Variants in GRIK2 observed in about 807,000 individuals in gnomAD.
GRIK2 encodes the protein glutamate receptor ionotropic, kainate 2.
A neutral mutation model predicts 100.3 loss-of-function variants in GRIK2; 32 were observed. The ratio of observed to expected loss-of-function variants is 0.32; its 90% CI spans 0.24 to 0.43. The LOEUF (loss-of-function observed/expected upper bound fraction) is 0.43. GRIK2 is among the 20% of genes least tolerant of loss of function. The pLI, the probability that GRIK2 is intolerant of heterozygous loss-of-function variation, is 1.00. For missense variants in GRIK2, 843 were observed against 1,114.9 expected, an observed-to-expected ratio of 0.76 and a Z score of 3.47; for synonymous variants, 417 against 389.4, an observed-to-expected ratio of 1.07 and a Z score of -0.83.
chr6:101,681,170 G>A (rs746203983), intron 5 of GRIK2, among the ~76,000 whole-genome samples: 1 of 152,032 alleles, frequency 6.6e-6, no homozygotes, highest in Non-Finnish European at 1.5e-5. Context: ...TATTTATGAG[G>A]TATATGGGAT....
At chr6:101,557,527 T>G (rs1314438080) in intron 2 of GRIK2, among the ~76,000 whole-genome samples, 1 of 152,220 alleles carries the variant, frequency 6.6e-6, no homozygotes, top group Non-Finnish European at 1.5e-5. Context: ...TGTTACAGTT[T>G]AATAAAGTGG....
At chr6:101,600,009 T>A (rs1779127005) in intron 2 of GRIK2, among the ~76,000 whole-genome samples, 1 of 151,882 alleles carries the variant, frequency 6.6e-6, no homozygotes, top group African/African-American at 2.4e-5. Flanking sequence ...TACCTAGGTT[T>A]TCTACTAGGA....
intron 2 of GRIK2, among the ~76,000 whole-genome samples, chr6:101,410,942 C>T (rs1055865881): frequency 6.6e-6 from 1 of 152,086 alleles, no homozygotes; most frequent in African/African-American, 2.4e-5. Context: ...AGACTAAGCA[C>T]AGTTTGAAAA....
intron 2 of GRIK2, among the ~76,000 whole-genome samples, chr6:101,608,407 A>G (rs9498641): frequency 0.34 from 52,303 of 151,750 alleles, 9,342 homozygotes; most frequent in African/African-American, 0.43. Flanking sequence ...ATAATTAAAA[A>G]TAGTTCTTCT....
chr6:101,564,421 A>G (rs570836253), intron 2 of GRIK2, among the ~76,000 whole-genome samples: 1 of 152,172 alleles, frequency 6.6e-6, no homozygotes, highest in Admixed American at 6.6e-5. Context: ...TGAAAATATA[A>G]GAAAGAATAA....
intron 15 of GRIK2, among the ~76,000 whole-genome samples, chr6:102,044,374 AG>A (rs1447112027): frequency 1.3e-5 from 2 of 152,006 alleles, no homozygotes; most frequent in East Asian, 3.9e-4. Flanking sequence ...TTCCTGTATT[AG>A]TCTGTTTTCA....
chr6:101,969,688 T>A (rs1017273548), intron 14 of GRIK2, among the ~76,000 whole-genome samples: 1 of 152,086 alleles, frequency 6.6e-6, no homozygotes, highest in African/African-American at 2.4e-5. Context: ...TAATATTTAA[T>A]CCATCACATT....
rs1228152664 is a variant in GRIK2, at chr6:101,626,636, T to C, written c.540T>C (p.Thr180=). The change falls in exon 4 of 17, where the codon ACT becomes ACC. Residue 180 remains threonine, a splice_region_variant and synonymous_variant. Transcript: ENST00000369134. ...KTVTVVYDDS[T]GLIRLQELIK... is the part of the protein sequence containing the mutation. ...TCACGGTTGTGTATGATGACAGCACTGGTAAGAAAAATCAGTATCTTTTGG... is the reference window on the plus strand; with the variant it reads ...TCACGGTTGTGTATGATGACAGCACCGGTAAGAAAAATCAGTATCTTTTGG... The C allele has an allele frequency of 1.9e-6, 3 of 1,612,662 alleles. No homozygotes were observed. Among genetic ancestry groups the C allele is most frequent in the Non-Finnish European group, 2.5e-6 (3 of 1,178,984 alleles).
At chr6:101,946,386 C>T (rs1791277684) in intron 14 of GRIK2, among the ~76,000 whole-genome samples, 1 of 151,662 alleles carries the variant, frequency 6.6e-6, no homozygotes, top group South Asian at 2.1e-4. Context: ...AAACATTAGC[C>T]AGGGTGTGGT....
intron 2 of GRIK2, among the ~76,000 whole-genome samples, chr6:101,473,024 T>C (rs1287199040): frequency 2.0e-5 from 3 of 151,718 alleles, no homozygotes; most frequent in Non-Finnish European, 3.0e-5. Flanking sequence ...TGATTTCTTA[T>C]GTTGTAAGAA....
chr6:101,772,357 G>T (rs1778456737), intron 7 of GRIK2, among the ~76,000 whole-genome samples: 1 of 152,190 alleles, frequency 6.6e-6, no homozygotes, highest in African/African-American at 2.4e-5. Context: ...GCAGGAAATG[G>T]ACTGAAGTGG....
chr6:101,686,077 T>A (rs2128343887), intron 6 of GRIK2, 103 bp from the exon 7 acceptor site: 1 of 705,110 alleles, frequency 1.4e-6, no homozygotes, highest in Non-Finnish European at 2.4e-6. Flanking sequence ...GACACAAAGG[T>A]GTTAAGTGAC....
chr6:101,862,609 G>A (rs1022942128), intron 11 of GRIK2, among the ~76,000 whole-genome samples: 1 of 146,754 alleles, frequency 6.8e-6, no homozygotes, highest in African/African-American at 2.6e-5. Flanking sequence ...TATTATTTTA[G>A]ATATGTGGTC....
At chr6:101,930,293 G>C (rs1404544372) in intron 14 of GRIK2, among the ~76,000 whole-genome samples, 1 of 151,546 alleles carries the variant, frequency 6.6e-6, no homozygotes, top group Non-Finnish European at 1.5e-5. Context: ...AGTGAGCTAA[G>C]ATGGCGACAT....
At chr6:101,581,889 G>T (rs1778116031) in intron 2 of GRIK2, among the ~76,000 whole-genome samples, 1 of 152,014 alleles carries the variant, frequency 6.6e-6, no homozygotes, top group Admixed American at 6.6e-5. Flanking sequence ...AGACAAAAAA[G>T]ATGGTGACAT....
intron 10 of GRIK2, among the ~76,000 whole-genome samples, chr6:101,825,864 A>G (rs916987543): frequency 1.3e-5 from 2 of 152,124 alleles, no homozygotes; most frequent in Non-Finnish European, 2.9e-5. Flanking sequence ...ATAGGACCAT[A>G]TACACTTGTA....
At chr6:101,535,087 A>G (rs1582661749) in intron 2 of GRIK2, among the ~76,000 whole-genome samples, 1 of 151,736 alleles carries the variant, frequency 6.6e-6, no homozygotes, top group East Asian at 1.9e-4. Flanking sequence ...ACTCTCTACA[A>G]GTAGCAAAAA....
intron 14 of GRIK2, among the ~76,000 whole-genome samples, chr6:101,937,721 G>A (rs1202455224): frequency 6.6e-6 from 1 of 151,242 alleles, no homozygotes; most frequent in African/African-American, 2.4e-5. Context: ...AATGTTTTGA[G>A]GAAATTATAC....
At chr6:101,458,066 C>T (rs1771103332) in intron 2 of GRIK2, among the ~76,000 whole-genome samples, 1 of 152,066 alleles carries the variant, frequency 6.6e-6, no homozygotes. Context: ...ACACACTGTG[C>T]ATATTTGAAA....
Sources: gnomAD v4.1 joint callset for allele counts (sites outside exome capture counted in the v4.1 genomes callset) on GRCh38, gnomAD v4.1.1 for gene constraint, MANE v1.5 for transcripts, NCBI Gene and HGNC (gene_info 2026-07-23, HGNC 2026-07-21) for gene names.